GGA2: variants seen among roughly 807,000 people sequenced by gnomAD.
GGA2 encodes the protein golgi associated, gamma adaptin ear containing, ARF binding protein 2.
In GGA2, 48 loss-of-function variants were observed where a neutral mutation model predicts 79.5. The ratio of observed to expected loss-of-function variants is 0.60; its 90% confidence interval spans 0.48 to 0.77. The LOEUF is 0.77. GGA2 is among the 30% of genes least tolerant of loss of function. The probability of loss-of-function intolerance (pLI) is 0.00; values close to 1 mark genes in which losing one functional copy is unlikely to be tolerated. For missense variants in GGA2, 770 were observed against 774.0 expected (o/e 0.99, Z 0.06); for synonymous variants, 317 against 302.0 (o/e 1.05, Z -0.51).
At chr16:23,520,975 A>G (rs1056920093) in intron 1 of GGA2, among the ~76,000 whole-genome samples, 1 of 152,110 alleles carries the variant, frequency 6.6e-6, no homozygotes, top group Non-Finnish European at 1.5e-5. Flanking sequence ...TACTTTTAGT[A>G]GAGATGGGGT....
chr16:23,474,732 G>GT (rs1411586619), intron 14 of GGA2, among the ~76,000 whole-genome samples, 172 bp downstream of exon 14: 3 of 151,936 alleles, frequency 2.0e-5, no homozygotes, highest in Non-Finnish European at 4.4e-5. Context: ...GATTACAGGC[G>GT]TGAGTCACCA....
chr16:23,489,245 T>A (rs1470872615), intron 5 of GGA2, among the ~76,000 whole-genome samples: 7 of 152,170 alleles, frequency 4.6e-5, no homozygotes, highest in African/African-American at 1.7e-4. Flanking sequence ...AATATTTTTG[T>A]TGTTTTTGAG....
intron 2 of GGA2, among the ~76,000 whole-genome samples, chr16:23,517,577 C>T (rs1055326861): frequency 1.3e-5 from 2 of 151,956 alleles, no homozygotes; most frequent in Admixed American, 1.3e-4. Flanking sequence ...TTGGATCTCA[C>T]ATCTGCCTGG....
At chr16:23,494,426 T>C (rs1374559579) in intron 2 of GGA2, 48 bp from the exon 3 acceptor site, 4 of 1,187,694 alleles carry the variant, frequency 3.4e-6, no homozygotes, top group Non-Finnish European at 5.1e-6. Flanking sequence ...AAAAAGAAAC[T>C]AACCCGAGTG....
rs1964445788 is a variant in GGA2 at position 23,467,042 on chromosome 16, A to T, written c.*548T>A. 6.4e-6 allele frequency: 1 copy of T among 155,770 alleles called. No individual in the cohort carries two copies. 9.6% of individuals were successfully genotyped at this position (155,770 alleles called of 1,614,324 possible). A position where few individuals can be genotyped will look rare whatever the true frequency, so the allele number is the denominator to read the frequency against. On this transcript the variant is annotated 3_prime_UTR_variant, in exon 17 of 17. Coordinates refer to ENST00000309859, the MANE Select transcript of GGA2 (RefSeq NM_015044.4). ...TAGAAGATCTTCCAGAACACACACA[A>T]GAAGCATTGTCTAATGAAAATGGAG...
rs959522660 is a variant in GGA2, at chr16:23,510,262, G to A, written c.91+59C>T. Reference sequence around the variant, plus strand: ...CCCCGAAGCAAGGCCCCGGGAGGCGGGAAGCGAGGCCTCACGTGCGGCGCA... The same window carrying A: ...CCCCGAAGCAAGGCCCCGGGAGGCGAGAAGCGAGGCCTCACGTGCGGCGCA... On this transcript the variant is annotated intron_variant, in intron 1 of 16. Coordinates refer to ENST00000309859, the MANE Select transcript of GGA2 (RefSeq NM_015044.4). The A allele has an allele frequency of 6.8e-5, 77 of 1,138,348 alleles. 3 individuals carry two copies. The South Asian group carries it at 1.4e-3, about 20-fold the overall frequency. 70.5% of individuals were successfully genotyped at this position (1,138,348 alleles called of 1,614,324 possible).
intron 14 of GGA2, among the ~76,000 whole-genome samples, chr16:23,474,657 G>A (rs910869073): frequency 6.6e-6 from 1 of 151,764 alleles, no homozygotes; most frequent in Admixed American, 6.6e-5. Context: ...AGGCTATGTC[G>A]CCCAGGCTGG....
upstream of GGA2, chr16:23,510,595 A>C (rs1414318930): frequency 2.6e-6 from 1 of 384,240 alleles, no homozygotes; most frequent in Admixed American, 4.5e-5. Flanking sequence ...TTCTTAGTCC[A>C]GATCCCTCCA....
intron 16 of GGA2, among the ~76,000 whole-genome samples, chr16:23,468,327 G>A (rs146205087): frequency 2.0e-5 from 3 of 151,952 alleles, no homozygotes; most frequent in Non-Finnish European, 2.9e-5. Context: ...ACAGGCGCAC[G>A]CCACCATGCC....
intron 1 of GGA2, among the ~76,000 whole-genome samples, chr16:23,500,750 C>G (rs1964912412): frequency 6.6e-6 from 1 of 152,272 alleles, no homozygotes; most frequent in African/African-American, 2.4e-5. Flanking sequence ...CACCCCACTG[C>G]TGTGGAGCCT....
chr16:23,486,579 G>A, intron 7 of GGA2, 131 bp downstream of exon 7: 1 of 729,124 alleles, frequency 1.4e-6, no homozygotes. Flanking sequence ...CTGTTCCCCA[G>A]AGTTCAGGGC....
intron 1 of GGA2, among the ~76,000 whole-genome samples, chr16:23,499,585 C>T (rs896760392): frequency 6.6e-6 from 1 of 152,146 alleles, no homozygotes; most frequent in Admixed American, 6.5e-5. Flanking sequence ...ATCATGAGGA[C>T]TCAATCAAGA....
chr16:23,481,669 A>C (rs1278386268), intron 9 of GGA2, among the ~76,000 whole-genome samples: 1 of 152,164 alleles, frequency 6.6e-6, no homozygotes, highest in African/African-American at 2.4e-5. Flanking sequence ...GCTACTCAGG[A>C]GGCTGAGGCA....
chr16:23,478,309 T>C (rs1964601966), intron 13 of GGA2, 59 bp downstream of exon 13: 1 of 1,424,370 alleles, frequency 7.0e-7, no homozygotes, highest in East Asian at 2.3e-5. Flanking sequence ...CCTTGTCCCA[T>C]GAGAAGGAAC....
At chr16:23,507,749 G>A (rs976703845) in intron 1 of GGA2, among the ~76,000 whole-genome samples, 6 of 152,114 alleles carry the variant, frequency 3.9e-5, no homozygotes, top group Admixed American at 1.3e-4. Context: ...GCAGAGAGCC[G>A]AGATGGCACC....
intron 1 of GGA2, among the ~76,000 whole-genome samples, chr16:23,509,776 G>T (rs1192865181): frequency 6.9e-6 from 1 of 145,440 alleles, no homozygotes; most frequent in African/African-American, 2.5e-5. Context: ...ACACACACAC[G>T]TGTGTGTGTG....
rs112020595 is a variant in GGA2 at position 23,480,927 on chromosome 16, C to T, written c.881-157G>A. Among the ~76,000 whole-genome samples the T allele has an allele frequency of 2.2e-3, 329 of 152,348 alleles. 3 individuals carry two copies. Among genetic ancestry groups the T allele is most frequent in the African/African-American group, 7.8e-3 (325 of 41,572 alleles). ...GTTGTGTCATCGGACCCTATCAGGC[C>T]TAGTCAGTTAACCTGAGTCCTAACA... On this transcript the variant is annotated intron_variant, in intron 9 of 16. Transcript: ENST00000309859.
chr16:23,505,309 A>G (rs1964962693), intron 1 of GGA2, among the ~76,000 whole-genome samples: 1 of 152,160 alleles, frequency 6.6e-6, no homozygotes, highest in Admixed American at 6.5e-5. Flanking sequence ...TACCAGAGCT[A>G]GAATTCTAGA....
intron 1 of GGA2, among the ~76,000 whole-genome samples, chr16:23,502,466 T>C (rs570943970): frequency 1.3e-5 from 2 of 152,340 alleles, no homozygotes; most frequent in South Asian, 4.1e-4. Flanking sequence ...GTTCAAACCT[T>C]TATCAGAAGA....
Sources: allele counts gnomAD v4.1 joint callset (sites outside exome capture counted in the v4.1 genomes callset), GRCh38; gene constraint gnomAD v4.1.1; transcripts MANE v1.5; gene names NCBI Gene and HGNC (gene_info 2026-07-23, HGNC 2026-07-21).